Variants in PTPRD observed in about 807,000 individuals in gnomAD.
PTPRD encodes the protein receptor-type tyrosine-protein phosphatase delta.
PTPRD carries 34 observed loss-of-function variants against 214.5 expected under a neutral mutation model. The observed-to-expected ratio is 0.16, with a 90% CI of 0.12 to 0.21. The LOEUF (loss-of-function observed/expected upper bound fraction) is 0.21. Among genes scored for constraint, PTPRD ranks in the 10% least tolerant of loss-of-function variants. PTPRD has a pLI of 1.00. For missense variants in PTPRD, 2,545 were observed against 2,398.7 expected, an observed-to-expected ratio of 1.06 and a Z score of -1.27; for synonymous variants, 1,128 against 845.7, an observed-to-expected ratio of 1.33 and a Z score of -5.79.
intron 7 of PTPRD, among the ~76,000 whole-genome samples, chr9:9,726,017 A>C (rs1043991697): frequency 6.6e-6 from 1 of 152,208 alleles, no homozygotes; most frequent in Non-Finnish European, 1.5e-5. Context: ...CATGGCTATG[A>C]ATGTTTGAAA....
intron 9 of PTPRD, among the ~76,000 whole-genome samples, chr9:9,321,523 C>G (rs1228603669): frequency 4.2e-5 from 6 of 144,132 alleles, no homozygotes; most frequent in African/African-American, 1.6e-4. Flanking sequence ...CCATTGCACC[C>G]CAGCCTGGGC....
At chr9:10,221,169 C>T (rs1055073441) in intron 3 of PTPRD, among the ~76,000 whole-genome samples, 1 of 151,898 alleles carries the variant, frequency 6.6e-6, no homozygotes, top group African/African-American at 2.4e-5. Context: ...AGAACATAAA[C>T]ATGGAAGGTT....
At chr9:8,531,107 A>AAGC (rs2075575840) in intron 14 of PTPRD, among the ~76,000 whole-genome samples, 1 of 152,098 alleles carries the variant, frequency 6.6e-6, no homozygotes, top group Non-Finnish European at 1.5e-5. Context: ...TCATTTGTGG[A>AAGC]AGCAGTAATA....
At chr9:9,920,020 T>C (rs1178148441) in intron 5 of PTPRD, among the ~76,000 whole-genome samples, 1 of 152,150 alleles carries the variant, frequency 6.6e-6, no homozygotes, top group Non-Finnish European at 1.5e-5. Context: ...GATCTTTTCT[T>C]GAGGTTACAA....
At chr9:8,951,165 G>A (rs531161251) in intron 11 of PTPRD, among the ~76,000 whole-genome samples, 15 of 151,914 alleles carry the variant, frequency 9.9e-5, no homozygotes, top group African/African-American at 3.6e-4. Context: ...GTGTAAGAGA[G>A]AGAGAGAGAG....
intron 3 of PTPRD, among the ~76,000 whole-genome samples, chr9:10,191,010 T>C (rs2099361561): frequency 6.6e-6 from 1 of 152,070 alleles, no homozygotes; most frequent in Non-Finnish European, 1.5e-5. Flanking sequence ...CCAGAGGAGA[T>C]TGGACCACTT....
At chr9:8,899,122 C>T (rs1015100406) in intron 11 of PTPRD, among the ~76,000 whole-genome samples, 1 of 151,982 alleles carries the variant, frequency 6.6e-6, no homozygotes, top group Non-Finnish European at 1.5e-5. Context: ...AACGGAGAAC[C>T]AGGCAAGATA....
intron 7 of PTPRD, among the ~76,000 whole-genome samples, chr9:9,641,471 C>G (rs922065979): frequency 6.6e-6 from 1 of 151,886 alleles, no homozygotes. Flanking sequence ...TGAGCACACT[C>G]CCCGCTAGAA....
chr9:9,517,221 G>C (rs2096859943), intron 8 of PTPRD, among the ~76,000 whole-genome samples: 1 of 152,066 alleles, frequency 6.6e-6, no homozygotes. Flanking sequence ...GACTCTCTGT[G>C]TATCCACTAC....
intron 3 of PTPRD, among the ~76,000 whole-genome samples, chr9:10,245,319 G>A (rs1472017303): frequency 1.3e-5 from 2 of 152,128 alleles, no homozygotes; most frequent in African/African-American, 4.8e-5. Flanking sequence ...ATAAGGTAAA[G>A]CCATATAGTG....
intron 4 of PTPRD, among the ~76,000 whole-genome samples, chr9:10,008,270 T>A (rs2096529520): frequency 6.6e-6 from 1 of 151,910 alleles, no homozygotes; most frequent in African/African-American, 2.4e-5. Flanking sequence ...TCCTAAAAGT[T>A]GAACCAAAAC....
chr9:10,048,046 G>A (rs528593575), intron 3 of PTPRD, among the ~76,000 whole-genome samples: 1 of 152,236 alleles, frequency 6.6e-6, no homozygotes, highest in Non-Finnish European at 1.5e-5. Context: ...TTGTATGCTA[G>A]CTCTGCTCTT....
At chr9:9,821,500 G>C (rs1402229400) in intron 5 of PTPRD, among the ~76,000 whole-genome samples, 1 of 152,128 alleles carries the variant, frequency 6.6e-6, no homozygotes, top group Non-Finnish European at 1.5e-5. Context: ...GTTATATAAA[G>C]ACTGTCATGT....
At chr9:10,542,702 CCTTT>C in intron 2 of PTPRD, among the ~76,000 whole-genome samples, 1 of 151,874 alleles carries the variant, frequency 6.6e-6, no homozygotes, top group Non-Finnish European at 1.5e-5. Flanking sequence ...AGATTTTCTT[CCTTT>C]TTTTAATTAA....
chr9:9,176,501 A>G (rs1423911965), intron 10 of PTPRD, among the ~76,000 whole-genome samples: 2 of 152,170 alleles, frequency 1.3e-5, no homozygotes, highest in Non-Finnish European at 2.9e-5. Flanking sequence ...ATATTTAAAA[A>G]TAGACCCATG....
At chr9:10,578,258 C>T (rs969833574) in intron 2 of PTPRD, among the ~76,000 whole-genome samples, 5 of 152,140 alleles carry the variant, frequency 3.3e-5, no homozygotes, top group Non-Finnish European at 7.4e-5. Context: ...CCTAAATTTT[C>T]TAAACACAAT....
At chr9:9,412,917 G>A (rs919610818) in intron 8 of PTPRD, among the ~76,000 whole-genome samples, 3 of 151,780 alleles carry the variant, frequency 2.0e-5, no homozygotes, top group African/African-American at 4.8e-5. Context: ...ATCTCACTAA[G>A]GATATTTCAG....
At chr9:8,782,472 A>AC (rs2095756966) in intron 11 of PTPRD, among the ~76,000 whole-genome samples, 1 of 152,266 alleles carries the variant, frequency 6.6e-6, no homozygotes, top group Middle Eastern at 3.4e-3. Context: ...GTAATTTTAT[A>AC]TCCTCAATTT....
intron 11 of PTPRD, among the ~76,000 whole-genome samples, chr9:8,778,578 C>T (rs2095573721): frequency 6.6e-6 from 1 of 152,168 alleles, no homozygotes; most frequent in Admixed American, 6.5e-5. Flanking sequence ...CCGTGACTTC[C>T]AAGCTCCACA....
Sources: allele counts gnomAD v4.1 joint callset (sites outside exome capture counted in the v4.1 genomes callset), GRCh38; gene constraint gnomAD v4.1.1; transcripts MANE v1.5; gene names NCBI Gene and HGNC (gene_info 2026-07-23, HGNC 2026-07-21).